SLC25A21: variants seen among roughly 807,000 people sequenced by gnomAD.
SLC25A21 encodes solute carrier family 25 member 21.
SLC25A21 carries 47 observed loss-of-function variants against 43.8 expected under a neutral mutation model. The observed-to-expected ratio is 1.07, with a 90% CI of 0.85 to 1.37. The LOEUF is 1.37. Ranked by LOEUF, SLC25A21 falls within the 40% of genes most tolerant of loss-of-function variation. The probability of loss-of-function intolerance (pLI) is 0.00; values close to 1 mark genes in which losing one functional copy is unlikely to be tolerated. For missense variants in SLC25A21, 352 were observed against 350.2 expected (o/e 1.00, Z -0.04); for synonymous variants, 131 against 121.3 (o/e 1.08, Z -0.52).
intron 1 of SLC25A21, among the ~76,000 whole-genome samples, chr14:37,104,225 CAGGG>C: frequency 6.6e-6 from 1 of 152,190 alleles, no homozygotes; most frequent in African/African-American, 2.4e-5. Flanking sequence ...GCCCTTATAA[CAGGG>C]GCTCAAGGGA....
intron 1 of SLC25A21, among the ~76,000 whole-genome samples, chr14:36,971,268 T>C (rs1053721433): frequency 2.0e-5 from 3 of 152,162 alleles, no homozygotes; most frequent in Admixed American, 6.5e-5. Flanking sequence ...GCCTGTAGAA[T>C]TGAGCTGCAG....
chr14:36,935,671 A>T (rs2138642210), intron 1 of SLC25A21, among the ~76,000 whole-genome samples: 2 of 125,434 alleles, frequency 1.6e-5, no homozygotes, highest in South Asian at 5.0e-4. Flanking sequence ...GAAGCAGAAT[A>T]AAACATTCTT....
rs563286394 is a variant in SLC25A21, at chr14:36,712,016, G to A, written c.439-534C>T. On this transcript the variant is annotated intron_variant, in intron 6 of 9. Coordinates refer to ENST00000331299, the MANE Select transcript of SLC25A21 (RefSeq NM_030631.4). The stretch of plus-strand genomic sequence containing the variant: ...AAATAAATAGCTGTTGATTGTACAC[G>A]TCCTCAAGCAGATATGCAATCAGTG... 7.2e-5 allele frequency among the ~76,000 whole-genome samples: 11 copies of A among 152,208 alleles called. No homozygotes were observed. The East Asian group carries it at 9.6e-4, about 13-fold the overall frequency.
chr14:37,109,160 C>A (rs1962973206), intron 1 of SLC25A21, among the ~76,000 whole-genome samples: 1 of 152,124 alleles, frequency 6.6e-6, no homozygotes, highest in African/African-American at 2.4e-5. Context: ...ATGAAATGCA[C>A]AGCTTTGTAG....
chr14:37,064,395 C>T (rs1962014625), intron 1 of SLC25A21, among the ~76,000 whole-genome samples: 1 of 151,974 alleles, frequency 6.6e-6, no homozygotes, highest in African/African-American at 2.4e-5. Flanking sequence ...ATTGCATGAG[C>T]CAGTTGATAA....
intron 1 of SLC25A21, among the ~76,000 whole-genome samples, chr14:37,158,454 C>T (rs112475962): frequency 1.3e-5 from 2 of 152,224 alleles, no homozygotes; most frequent in African/African-American, 4.8e-5. Context: ...CAAGCTCTAT[C>T]ACATCAACAG....
chr14:37,019,942 T>C (rs755592772), intron 1 of SLC25A21, among the ~76,000 whole-genome samples: 28 of 152,076 alleles, frequency 1.8e-4, no homozygotes, highest in Admixed American at 6.6e-4. Flanking sequence ...GACAAATCTG[T>C]AGTTCTATCT....
At chr14:36,729,628 G>T in intron 4 of SLC25A21, 62 bp from the exon 5 acceptor site, 1 of 1,359,894 alleles carries the variant, frequency 7.4e-7, no homozygotes, top group South Asian at 1.3e-5. Flanking sequence ...CTCTTTAATT[G>T]ACTCAAATTT....
chr14:36,854,861 G>C (rs1039525362), intron 2 of SLC25A21, among the ~76,000 whole-genome samples: 1 of 151,002 alleles, frequency 6.6e-6, no homozygotes, highest in African/African-American at 2.4e-5. Flanking sequence ...CCTGCTAAGA[G>C]ACTGACAGTG....
chr14:36,991,818 C>G (rs1960270692), intron 1 of SLC25A21, among the ~76,000 whole-genome samples: 1 of 144,562 alleles, frequency 6.9e-6, no homozygotes. Context: ...GGCTGATACG[C>G]TGAGGTAGAA....
intron 1 of SLC25A21, among the ~76,000 whole-genome samples, chr14:37,137,871 C>G (rs1963509576): frequency 6.6e-6 from 1 of 152,118 alleles, no homozygotes; most frequent in South Asian, 2.1e-4. Context: ...TAATTAACAA[C>G]TGACACTCAA....
intron 1 of SLC25A21, among the ~76,000 whole-genome samples, chr14:36,875,434 C>T (rs1329355931): frequency 6.6e-6 from 1 of 152,098 alleles, no homozygotes; most frequent in African/African-American, 2.4e-5. Flanking sequence ...AAATCAGAAA[C>T]CTCAGTTTCA....
Position 36,965,418 on chromosome 14 carries a change from ATTACT to A in SLC25A21, c.71-90419_71-90415del, listed in dbSNP as rs77758059. On this transcript the variant is annotated intron_variant, in intron 1 of 9. Coordinates refer to ENST00000331299, the MANE Select transcript of SLC25A21 (RefSeq NM_030631.4). The stretch of plus-strand genomic sequence containing the variant: ...TGATAAAATTATGATTCAGATTTTT[ATTACT>A]TTAAAGAATTTTCAAAAGAAACTTA... Among the ~76,000 whole-genome samples the A allele has an allele frequency of 4.9e-3, 740 of 152,260 alleles. 5 individuals are homozygous for A. Among genetic ancestry groups the A allele is most frequent in the Non-Finnish European group, 6.4e-3 (433 of 67,972 alleles).
chr14:36,839,233 C>T (rs886701035), intron 2 of SLC25A21, among the ~76,000 whole-genome samples: 8 of 152,176 alleles, frequency 5.3e-5, no homozygotes, highest in African/African-American at 1.2e-4. Flanking sequence ...ATAGGATTAA[C>T]ACACTTAACT....
chr14:36,977,125 AT>A (rs543859853), intron 1 of SLC25A21, among the ~76,000 whole-genome samples: 34 of 152,108 alleles, frequency 2.2e-4, no homozygotes, highest in South Asian at 2.1e-3. Flanking sequence ...CAAGGCATTA[AT>A]TTTTTTTCTA....
At chr14:36,961,336 C>T (rs574619282) in intron 1 of SLC25A21, among the ~76,000 whole-genome samples, 5 of 152,150 alleles carry the variant, frequency 3.3e-5, no homozygotes, top group African/African-American at 1.2e-4. Context: ...CTCACCCTCC[C>T]GAGTAGCTGG....
At chr14:36,885,763 CA>C (rs1296315099) in intron 1 of SLC25A21, among the ~76,000 whole-genome samples, 1 of 151,824 alleles carries the variant, frequency 6.6e-6, no homozygotes, top group Non-Finnish European at 1.5e-5. Flanking sequence ...AATATCTTAA[CA>C]TCTCAGTAAA....
chr14:37,128,528 C>CTG (rs1272946372), intron 1 of SLC25A21, among the ~76,000 whole-genome samples: 1 of 114,930 alleles, frequency 8.7e-6, no homozygotes, highest in African/African-American at 4.3e-5. Flanking sequence ...CTGTCTCTCT[C>CTG]TCTCTCTCTC....
At chr14:36,719,151 G>A (rs918709977) in intron 6 of SLC25A21, among the ~76,000 whole-genome samples, 1 of 152,156 alleles carries the variant, frequency 6.6e-6, no homozygotes, top group East Asian at 1.9e-4. Flanking sequence ...TTGCTTCTGG[G>A]GAGAAATTCA....
Sources: gnomAD v4.1 joint callset for allele counts (sites outside exome capture counted in the v4.1 genomes callset) on GRCh38, gnomAD v4.1.1 for gene constraint, MANE v1.5 for transcripts, NCBI Gene and HGNC (gene_info 2026-07-23, HGNC 2026-07-21) for gene names.